Variants in HHAT observed in about 807,000 individuals in gnomAD.
HHAT encodes hedgehog acyltransferase.
Under a neutral mutation model 70.8 loss-of-function variants are expected in HHAT, and 47 were observed. That is an observed-to-expected ratio of 0.66 (90% CI 0.53 to 0.85). The LOEUF is 0.85. Ranked by LOEUF, HHAT falls within the 40% of genes least tolerant of loss-of-function variation. The probability of loss-of-function intolerance (pLI) is 0.00; values close to 1 mark genes in which losing one functional copy is unlikely to be tolerated. For missense variants in HHAT, 609 were observed against 604.8 expected (o/e 1.01, Z -0.07); for synonymous variants, 228 against 247.6 (o/e 0.92, Z 0.74).
At chr1:210,591,984 T>C (rs1441508416) in intron 10 of HHAT, among the ~76,000 whole-genome samples, 1 of 152,140 alleles carries the variant, frequency 6.6e-6, no homozygotes, top group Non-Finnish European at 1.5e-5. Context: ...CTGTGGGTTG[T>C]CTCTTCACTT....
intron 5 of HHAT, among the ~76,000 whole-genome samples, chr1:210,401,782 T>A (rs1387664210): frequency 6.6e-6 from 1 of 152,216 alleles, no homozygotes; most frequent in Non-Finnish European, 1.5e-5. Flanking sequence ...GAGTTTCCTG[T>A]GCCTTGCTGA....
At chr1:210,453,624 G>A (rs1042380571) in intron 7 of HHAT, among the ~76,000 whole-genome samples, 1 of 151,958 alleles carries the variant, frequency 6.6e-6, no homozygotes, top group African/African-American at 2.4e-5. Flanking sequence ...CTTGGTGTAC[G>A]GACAACTTCT....
chr1:210,595,573 G>C (rs1358348190), intron 10 of HHAT, among the ~76,000 whole-genome samples: 5 of 152,322 alleles, frequency 3.3e-5, no homozygotes, highest in African/African-American at 7.2e-5. Flanking sequence ...CTAGTTTACA[G>C]TCCCACCATC....
At chr1:210,344,276 GTTTC>G (rs1394593276) in intron 1 of HHAT, among the ~76,000 whole-genome samples, 5 of 48,436 alleles carry the variant, frequency 1.0e-4, no homozygotes, top group African/African-American at 4.9e-4. Context: ...CTATGTTATT[GTTTC>G]ATTGAAACAA....
intron 6 of HHAT, among the ~76,000 whole-genome samples, chr1:210,412,107 C>T (rs750306196): frequency 3.3e-5 from 5 of 152,218 alleles, no homozygotes; most frequent in South Asian, 2.1e-4. Flanking sequence ...AACTCTTTGG[C>T]GTCTCTTTTA....
intron 8 of HHAT, among the ~76,000 whole-genome samples, chr1:210,492,963 A>G (rs1273782502): frequency 6.6e-6 from 1 of 152,044 alleles, no homozygotes; most frequent in South Asian, 2.1e-4. Context: ...TCCAATTCTT[A>G]AATAGTTCCC....
intron 3 of HHAT, among the ~76,000 whole-genome samples, chr1:210,379,435 T>C (rs2090469206): frequency 6.6e-6 from 1 of 152,252 alleles, no homozygotes; most frequent in African/African-American, 2.4e-5. Flanking sequence ...GTTGAGTTAA[T>C]CGGCAGTACC....
intron 8 of HHAT, among the ~76,000 whole-genome samples, chr1:210,504,056 A>C (rs921579897): frequency 1.3e-5 from 2 of 152,228 alleles, no homozygotes; most frequent in Non-Finnish European, 2.9e-5. Context: ...TTGTGCTTCA[A>C]AGACATTTTC....
At chr1:210,410,406 G>A (rs549268194) in intron 6 of HHAT, among the ~76,000 whole-genome samples, 2 of 147,248 alleles carry the variant, frequency 1.4e-5, no homozygotes, top group African/African-American at 5.1e-5. Context: ...TAAATGGACT[G>A]TAATAATGAT....
chr1:210,364,057 C>T (rs1489769610), intron 3 of HHAT, among the ~76,000 whole-genome samples: 1 of 152,190 alleles, frequency 6.6e-6, no homozygotes, highest in East Asian at 1.9e-4. Context: ...CTGTACAGAG[C>T]CATATGTAAG....
rs369878249 is a variant in HHAT at position 210,447,788 on chromosome 1, T to C, written c.857-16717T>C. 5.9e-5 allele frequency among the ~76,000 whole-genome samples: 9 copies of C among 152,256 alleles called. No homozygotes were observed. In the East Asian group the frequency reaches 1.7e-3, roughly 29 times the overall value. On this transcript the variant is annotated intron_variant, in intron 7 of 11. Transcript: ENST00000261458. ...AATTTGACTTCTTATGTGGCTGACT[T>C]AGAGAAGATACGAGGCCCCACATTC...
intron 7 of HHAT, among the ~76,000 whole-genome samples, chr1:210,434,307 T>C (rs933739568): frequency 1.3e-5 from 2 of 151,802 alleles, no homozygotes; most frequent in Admixed American, 6.6e-5. Flanking sequence ...ATTTTAAATG[T>C]TTCTGCTTTC....
chr1:210,417,612 A>G (rs1015749038), intron 6 of HHAT, among the ~76,000 whole-genome samples: 1 of 152,098 alleles, frequency 6.6e-6, no homozygotes, highest in African/African-American at 2.4e-5. Context: ...TGTTCCACAT[A>G]CTGTCTGCCA....
chr1:210,430,712 T>C (rs2093218611), intron 7 of HHAT, among the ~76,000 whole-genome samples: 1 of 151,932 alleles, frequency 6.6e-6, no homozygotes, highest in Non-Finnish European at 1.5e-5. Context: ...CTGAGTGCTC[T>C]GTATTCAAAA....
rs201473626 is a variant in HHAT, at chr1:210,400,632, A to G, written c.438A>G (p.Thr146=). ...TWLCSLLLLS[T]LRLQGVEEVK... Reference sequence around the variant, plus strand: ...TCTGTTCTCTCCTCCTCCTCTCCACACTGAGGCTGCAGGGTGTGGAAGAAG... The same window carrying G: ...TCTGTTCTCTCCTCCTCCTCTCCACGCTGAGGCTGCAGGGTGTGGAAGAAG... The change falls in exon 5 of 12, where the codon ACA becomes ACG. Residue 146 remains threonine, a synonymous_variant. Transcript: ENST00000261458. 1 of 1,613,730 alleles carries G rather than the reference A, an allele frequency of 6.2e-7. No homozygotes were observed. The highest frequency in any genetic ancestry group is 8.5e-7 in the Non-Finnish European group (1 of 1,179,904).
intron 1 of HHAT, among the ~76,000 whole-genome samples, chr1:210,341,255 T>C (rs1468036321): frequency 6.6e-6 from 1 of 152,176 alleles, no homozygotes; most frequent in Non-Finnish European, 1.5e-5. Context: ...TGCATGTGAG[T>C]ATTGGGTTAT....
chr1:210,435,816 C>G (rs2093361890), intron 7 of HHAT, among the ~76,000 whole-genome samples: 1 of 151,214 alleles, frequency 6.6e-6, no homozygotes, highest in South Asian at 2.1e-4. Context: ...GGGATTCTTT[C>G]TTTTTTTTGC....
chr1:210,340,734 C>T (rs866665029), intron 1 of HHAT, among the ~76,000 whole-genome samples: 3 of 152,122 alleles, frequency 2.0e-5, no homozygotes, highest in South Asian at 2.1e-4. Flanking sequence ...GAGTGTCTAA[C>T]GTTATGCATA....
intron 8 of HHAT, among the ~76,000 whole-genome samples, chr1:210,505,383 C>T (rs755321955): frequency 9.9e-5 from 15 of 152,180 alleles, no homozygotes; most frequent in Non-Finnish European, 2.1e-4. Flanking sequence ...CATTGGGACA[C>T]TTTGAACAAA....
Sources: allele counts gnomAD v4.1 joint callset (sites outside exome capture counted in the v4.1 genomes callset), GRCh38; gene constraint gnomAD v4.1.1; transcripts MANE v1.5; gene names NCBI Gene and HGNC (gene_info 2026-07-23, HGNC 2026-07-21).